The following ADAM29 variants were observed in gnomAD, a reference collection of about 807,000 sequenced individuals.
ADAM29 encodes ADAM metallopeptidase domain 29.
For synonymous variants in ADAM29, 367 were observed against 342.3 expected (o/e 1.07, Z -0.80); for missense variants, 969 against 1,001.8 (o/e 0.97, Z 0.44).
intron 4 of ADAM29, among the ~76,000 whole-genome samples, chr4:174,960,649 C>T (rs1044748987): frequency 5.3e-5 from 8 of 152,100 alleles, no homozygotes; most frequent in Admixed American, 3.9e-4. Flanking sequence ...AAAATTTCCA[C>T]GCTTGCTGTT....
At chr4:174,974,858 A>T (rs550366461) in intron 4 of ADAM29, among the ~76,000 whole-genome samples, 2 of 152,314 alleles carry the variant, frequency 1.3e-5, no homozygotes, top group Middle Eastern at 3.4e-3. Context: ...AAGAACCAAA[A>T]ATTTAAAATA....
At chr4:174,953,461 G>C (rs1331681497) in intron 4 of ADAM29, among the ~76,000 whole-genome samples, 1 of 152,032 alleles carries the variant, frequency 6.6e-6, no homozygotes, top group African/African-American at 2.4e-5. Context: ...GCAGATATTT[G>C]TTCAATTTTC....
chr4:174,923,525 GTATATATATATATAT>G (rs1743296835), intron 2 of ADAM29, among the ~76,000 whole-genome samples: 100 of 96,690 alleles, frequency 1.0e-3, no homozygotes, highest in African/African-American at 3.6e-3. Flanking sequence ...TGCATTATAT[GTATATATATATATAT>G]ATATATATAT....
At position 174,975,730 on chromosome 4, in the gene ADAM29, G is replaced by A. The variant is rs749144524; in HGVS notation, c.205G>A (p.Val69Ile). 5.0e-6 allele frequency: 8 copies of A among 1,612,426 alleles called. No homozygotes were observed. Among genetic ancestry groups the A allele is most frequent in the Admixed American group, 3.3e-5 (2 of 59,780 alleles). ...CCAGAAACACATTATCCACATAAAG[G>A]TCAAGAAGCTTTTGTTTTCCAAACA... ...GGQKHIIHIKVKKLLFSKHLP... is the reference protein window; with the variant it reads ...GGQKHIIHIKIKKLLFSKHLP... The change falls in exon 5 of 5, where the codon GTC (valine) becomes ATC (isoleucine). Residue 69 changes from valine (V) to isoleucine (I), a missense_variant. Physicochemically the swap from Val to Ile is conservative, Grantham distance 29. Coordinates refer to ENST00000359240, the MANE Select transcript of ADAM29 (RefSeq NM_014269.4).
intron 2 of ADAM29, among the ~76,000 whole-genome samples, chr4:174,928,298 G>A (rs1188573261): frequency 6.6e-6 from 1 of 152,014 alleles, no homozygotes; most frequent in Non-Finnish European, 1.5e-5. Context: ...GGGTGGGGGA[G>A]CTGAGATGGG....
At chr4:174,943,076 G>T (rs1484841522) in intron 4 of ADAM29, among the ~76,000 whole-genome samples, 3 of 152,138 alleles carry the variant, frequency 2.0e-5, no homozygotes, top group Non-Finnish European at 4.4e-5. Flanking sequence ...CTAAAGTATA[G>T]CAAGAGTGAC....
At chr4:174,959,627 T>C (rs1253319618) in intron 4 of ADAM29, among the ~76,000 whole-genome samples, 1 of 151,794 alleles carries the variant, frequency 6.6e-6, no homozygotes, top group Admixed American at 6.6e-5. Flanking sequence ...CTCTAGTGTT[T>C]TCTTATAAAT....
chr4:174,969,085 A>T (rs1479773081), intron 4 of ADAM29, among the ~76,000 whole-genome samples: 1 of 152,028 alleles, frequency 6.6e-6, no homozygotes, highest in Non-Finnish European at 1.5e-5. Context: ...CAGATCTGTC[A>T]TTAGAAAACT....
chr4:174,964,178 TGATTAA>T (rs955669210), intron 4 of ADAM29, among the ~76,000 whole-genome samples: 19 of 151,858 alleles, frequency 1.3e-4, no homozygotes, highest in Admixed American at 4.6e-4. Flanking sequence ...TATAAAGAGG[TGATTAA>T]GATTAACTGA....
intron 2 of ADAM29, among the ~76,000 whole-genome samples, chr4:174,928,555 C>T (rs1743655561): frequency 1.0e-5 from 1 of 99,270 alleles, no homozygotes; most frequent in African/African-American, 3.7e-5. Context: ...TCTACAAATT[C>T]CCTGTCATGT....
chr4:174,923,656 C>A (rs998714838), intron 2 of ADAM29, among the ~76,000 whole-genome samples: 11 of 150,838 alleles, frequency 7.3e-5, no homozygotes, highest in African/African-American at 2.7e-4. Context: ...AAAATCTGAA[C>A]AAGCCGATCA....
intron 2 of ADAM29, among the ~76,000 whole-genome samples, chr4:174,930,341 T>C (rs1743789860): frequency 6.6e-6 from 1 of 152,160 alleles, no homozygotes; most frequent in Non-Finnish European, 1.5e-5. Flanking sequence ...AATTTTCACA[T>C]TGTGTTAAAA....
At chr4:174,973,274 C>T (rs1310810891) in intron 4 of ADAM29, among the ~76,000 whole-genome samples, 2 of 152,146 alleles carry the variant, frequency 1.3e-5, no homozygotes, top group Non-Finnish European at 1.5e-5. Context: ...GAGTACTGGA[C>T]ACAAATCAAT....
At chr4:174,954,209 A>G (rs1745359215) in intron 4 of ADAM29, among the ~76,000 whole-genome samples, 1 of 152,132 alleles carries the variant, frequency 6.6e-6, no homozygotes, top group Non-Finnish European at 1.5e-5. Context: ...TTCATTTCAT[A>G]TTAGATCTTG....
At chr4:174,962,336 C>T (rs1030139639) in intron 4 of ADAM29, among the ~76,000 whole-genome samples, 15 of 151,864 alleles carry the variant, frequency 9.9e-5, no homozygotes, top group Non-Finnish European at 2.1e-4. Context: ...ACGGTGAAAC[C>T]CCGTCTCTAC....
At chr4:174,964,903 C>T (rs1010196558) in intron 4 of ADAM29, among the ~76,000 whole-genome samples, 14 of 149,452 alleles carry the variant, frequency 9.4e-5, no homozygotes, top group African/African-American at 2.7e-4. Flanking sequence ...GGTGAGTAGG[C>T]AAAAAAAATA....
chr4:174,927,188 T>G (rs1743569939), intron 2 of ADAM29, among the ~76,000 whole-genome samples: 1 of 152,200 alleles, frequency 6.6e-6, no homozygotes, highest in African/African-American at 2.4e-5. Context: ...TTTGAACTAT[T>G]TGACAGTTCA....
At position 174,970,596 on chromosome 4, in the gene ADAM29, A is replaced by G. The variant is rs543120784; in HGVS notation, c.-180-4750A>G. On this transcript the variant is annotated intron_variant, in intron 4 of 4. Coordinates refer to ENST00000359240, the MANE Select transcript of ADAM29 (RefSeq NM_014269.4). ...ACTTTCGTTTTGGCCAATGAAACTC[A>G]TTTTAGCCTCCAGAACTACAGAACT... is the stretch of plus-strand genomic sequence containing the variant. Among the ~76,000 whole-genome samples, 5 of 152,298 alleles carry G rather than the reference A, an allele frequency of 3.3e-5. No homozygotes were observed. The East Asian group carries it at 9.6e-4, about 29-fold the overall frequency.
At chr4:174,922,302 A>T (rs1164281045) in intron 2 of ADAM29, among the ~76,000 whole-genome samples, 2 of 152,218 alleles carry the variant, frequency 1.3e-5, no homozygotes, top group African/African-American at 4.8e-5. Context: ...AAGAGAAAAA[A>T]GCTGAGCAAA....
Sources: allele counts gnomAD v4.1 joint callset (sites outside exome capture counted in the v4.1 genomes callset), GRCh38; gene constraint gnomAD v4.1.1; transcripts MANE v1.5; gene names NCBI Gene and HGNC (gene_info 2026-07-23, HGNC 2026-07-21).